FABP6: variants seen among roughly 807,000 people sequenced by gnomAD.
The protein encoded by FABP6 is fatty acid binding protein 6.
A neutral mutation model predicts 14.9 loss-of-function variants in FABP6; 13 were observed. The ratio of observed to expected loss-of-function variants is 0.87; its 90% CI spans 0.57 to 1.39. The LOEUF (loss-of-function observed/expected upper bound fraction) is 1.39. Ranked by LOEUF, FABP6 falls within the 40% of genes most tolerant of loss-of-function variation. The probability of loss-of-function intolerance (pLI) is 0.00; values close to 1 mark genes in which losing one functional copy is unlikely to be tolerated. For missense variants in FABP6, 161 were observed against 167.2 expected, an observed-to-expected ratio of 0.96 and a Z score of 0.20; for synonymous variants, 75 against 63.6, an observed-to-expected ratio of 1.18 and a Z score of -0.85.
rs564058075 is a variant in FABP6 at position 160,194,574 on chromosome 5, AAG to A, written c.-58-4463_-58-4462del. ...TAAATAAATAAAAAATAAAAATAAA[AAG>A]AGAGAGAGAGAAAGAAATCCCCTTT... On this transcript the variant is annotated intron_variant, in intron 1 of 6. Coordinates refer to the FABP6 transcript ENST00000393980. Among the ~76,000 whole-genome samples, 6 of 152,192 alleles carry A rather than the reference AAG, an allele frequency of 3.9e-5. No individual in the cohort carries two copies. The East Asian group carries it at 7.7e-4, about 20-fold the overall frequency.
rs6897011 is a variant in FABP6, at chr5:160,200,295, C to T, written c.51+1138C>T. Among the ~76,000 whole-genome samples, 1,372 of 152,214 alleles carry T rather than the reference C, an allele frequency of 9.0e-3. 30 individuals carry two copies. The highest frequency in any genetic ancestry group is 0.031 in the African/African-American group (1,283 of 41,556). The stretch of plus-strand genomic sequence containing the variant: ...CCACCTATTGAGCAGAGGTGGCAGA[C>T]CTAGGCCCAGAATCCCCATCTGACC... On this transcript the variant is annotated intron_variant, in intron 2 of 6. Transcript: ENST00000393980.
chr5:160,236,893 A>T (rs747106277), intron 3 of FABP6, among the ~76,000 whole-genome samples: 12 of 151,802 alleles, frequency 7.9e-5, no homozygotes, highest in Non-Finnish European at 1.6e-4. Flanking sequence ...GAGGCAGGAG[A>T]ATCGCTTCAA....
At chr5:160,219,814 G>A (rs2113118816) in intron 3 of FABP6, among the ~76,000 whole-genome samples, 1 of 152,320 alleles carries the variant, frequency 6.6e-6, no homozygotes, top group Non-Finnish European at 1.5e-5. Context: ...CTGCTGAGCA[G>A]TACAATCACT....
rs116695916 is a variant in FABP6 at position 160,235,137 on chromosome 5, G to A, written c.333+228G>A. ...AGACTGAAGCACAGGGATAAGTGAG[G>A]GAGCACACAGATTTGACGACAGAGC... On this transcript the variant is annotated intron_variant, in intron 3 of 3. Coordinates refer to ENST00000402432, the MANE Select transcript of FABP6 (RefSeq NM_001445.3). 2.3e-3 allele frequency among the ~76,000 whole-genome samples: 347 copies of A among 152,300 alleles called. 3 individuals are homozygous for A. The highest frequency in any genetic ancestry group is 7.9e-3 in the African/African-American group (328 of 41,572).
At chr5:160,204,354 C>CA (rs141414830) in intron 2 of FABP6, among the ~76,000 whole-genome samples, 30,874 of 151,882 alleles carry the variant, frequency 0.2, 3,267 homozygotes, top group South Asian at 0.25. Context: ...ATAAATAATA[C>CA]GTTTTTTTAA....
chr5:160,229,692 C>T lies in FABP6; in HGVS notation c.67+68C>T, dbSNP rs1760327477. The T allele has an allele frequency of 7.1e-6, 10 of 1,414,358 alleles. No homozygotes were observed. The East Asian group carries it at 2.3e-4, about 32-fold the overall frequency. 87.6% of individuals were successfully genotyped at this position (1,414,358 alleles called of 1,614,324 possible). A position where few individuals can be genotyped will look rare whatever the true frequency, so the allele number is the denominator to read the frequency against. On this transcript the variant is annotated intron_variant, in intron 1 of 3. Transcript: ENST00000402432. Reference sequence around the variant, plus strand: ...CACAGCCAGCTCTGGGCCAGGAACCCTAAAGTAGAATGGGACAGGATTTCA... The same window carrying T: ...CACAGCCAGCTCTGGGCCAGGAACCTTAAAGTAGAATGGGACAGGATTTCA...
At chr5:160,227,462 G>A (rs1760272824), upstream of FABP6, among the ~76,000 whole-genome samples, 1 of 149,682 alleles carries the variant, frequency 6.7e-6, no homozygotes, top group South Asian at 2.1e-4. Context: ...GGGAGCGGAG[G>A]TTGCCGTGAG....
rs1424137174 is a variant in FABP6 at position 160,213,585 on chromosome 5, A to T, written c.52-151A>T. The stretch of plus-strand genomic sequence containing the variant: ...CTGTGATCCAGTCGATATCCTTTTG[A>T]TAAATTTCTTTTTTGCTCAAATCAG... On this transcript the variant is annotated intron_variant, in intron 2 of 6. Transcript: ENST00000393980. 6.0e-6 allele frequency: 4 copies of T among 670,358 alleles called. No homozygotes were observed. The African/African-American group carries it at 7.1e-5, about 12-fold the overall frequency. The allele number at this position is 670,358 out of a possible 1,614,324, so 41.5% of individuals were successfully genotyped here. A position where few individuals can be genotyped will look rare whatever the true frequency, so the allele number is the denominator to read the frequency against.
chr5:160,202,578 C>T (rs991989548), intron 2 of FABP6, among the ~76,000 whole-genome samples: 9 of 152,202 alleles, frequency 5.9e-5, no homozygotes, highest in South Asian at 2.1e-4. Flanking sequence ...AGGCAAATCA[C>T]GAGGTCAGGA....
At chr5:160,221,215 G>A (rs1760122051) in intron 3 of FABP6, among the ~76,000 whole-genome samples, 1 of 152,024 alleles carries the variant, frequency 6.6e-6, no homozygotes, top group Non-Finnish European at 1.5e-5. Flanking sequence ...AAGTCTCAGA[G>A]CTAAGACATG....
At chr5:160,211,136 G>A (rs1446876716) in intron 2 of FABP6, among the ~76,000 whole-genome samples, 1 of 152,028 alleles carries the variant, frequency 6.6e-6, no homozygotes, top group Non-Finnish European at 1.5e-5. Flanking sequence ...TTCTGTCCTG[G>A]GGAGCTGAGA....
rs753577212 is a variant in FABP6 at position 160,229,621 on chromosome 5, C to A, written c.64C>A (p.Leu22Ile). ...EKNYDEFMKL[L>I]GISSDVIEKA... is the part of the protein sequence containing the mutation. ...GAATTATGATGAGTTCATGAAGCTC[C>A]TTGGTGAGTGAGCTCCTGGGTATCC... Residue 22 changes from leucine to isoleucine, a missense_variant, in exon 1 of 4, where the codon CTT (leucine) becomes ATT (isoleucine). Transcript: ENST00000402432. 1 of 1,613,726 alleles carries A rather than the reference C, an allele frequency of 6.2e-7. No homozygotes were observed. The highest frequency in any genetic ancestry group is 1.1e-5 in the South Asian group (1 of 91,040).
intron 2 of FABP6, among the ~76,000 whole-genome samples, chr5:160,201,602 G>A (rs1456863535): frequency 6.6e-6 from 1 of 152,108 alleles, no homozygotes; most frequent in East Asian, 1.9e-4. Context: ...AGTAAAGTCA[G>A]AGTTGGGGGA....
chr5:160,223,214 A>G (rs1160328354), intron 3 of FABP6, among the ~76,000 whole-genome samples: 1 of 152,156 alleles, frequency 6.6e-6, no homozygotes, highest in Non-Finnish European at 1.5e-5. Context: ...TTCTCACAGT[A>G]TTCAAGCTTT....
intron 1 of FABP6, among the ~76,000 whole-genome samples, chr5:160,191,501 G>T (rs1396394579): frequency 1.3e-5 from 2 of 151,610 alleles, no homozygotes; most frequent in East Asian, 3.9e-4. Flanking sequence ...CCTTACTAGG[G>T]CTCTGTGCCA....
At chr5:160,213,984 A>G (rs1716479162) in intron 3 of FABP6, among the ~76,000 whole-genome samples, 1 of 152,214 alleles carries the variant, frequency 6.6e-6, no homozygotes, top group African/African-American at 2.4e-5. Context: ...TTTATAGGTC[A>G]AAAAGGTCAA....
intron 2 of FABP6, chr5:160,199,230 A>T (rs1759578088): frequency 6.7e-7 from 1 of 1,500,432 alleles, no homozygotes; most frequent in Non-Finnish European, 9.3e-7. Flanking sequence ...TGGGGAGAAC[A>T]CCTTGGGTGG....
intron 3 of FABP6, among the ~76,000 whole-genome samples, chr5:160,218,080 G>A (rs1397595776): frequency 5.9e-5 from 9 of 151,646 alleles, no homozygotes; most frequent in Admixed American, 5.3e-4. Context: ...GGGGGACTAC[G>A]GACACAGGCC....
At chr5:160,237,619 C>G (rs1436398895) in intron 3 of FABP6, among the ~76,000 whole-genome samples, 1 of 152,118 alleles carries the variant, frequency 6.6e-6, no homozygotes, top group Admixed American at 6.6e-5. Context: ...TCTGATTCCA[C>G]CTCTCCCCCA....
Sources: gnomAD v4.1 joint callset for allele counts (sites outside exome capture counted in the v4.1 genomes callset) on GRCh38, gnomAD v4.1.1 for gene constraint, MANE v1.5 for transcripts, NCBI Gene and HGNC (gene_info 2026-07-23, HGNC 2026-07-21) for gene names.